Variants in PUDP observed in about 807,000 individuals in gnomAD.
PUDP encodes pseudouridine-5'-phosphatase.
PUDP carries 8 observed loss-of-function variants against 9.4 expected under a neutral mutation model. That is an observed-to-expected ratio of 0.85 (90% CI 0.50 to 1.53). The LOEUF is 1.53. Among genes scored for constraint, PUDP ranks in the 40% most tolerant of loss-of-function variants. The pLI, the probability that PUDP is intolerant of heterozygous loss-of-function variation, is 0.00. For missense variants in PUDP, 188 were observed against 189.7 expected (o/e 0.99, Z 0.05); for synonymous variants, 99 against 80.7 (o/e 1.23, Z -1.22).
At chrX:7,057,715 C>T in intron 3 of PUDP, 1 of 1,153,457 alleles carries the variant, frequency 8.7e-7, no homozygotes, top group Non-Finnish European at 1.1e-6. Flanking sequence ...GGTCAGGTGT[C>T]ATCAGAGCAG....
intron 1 of PUDP, among the ~76,000 whole-genome samples, chrX:6,987,236 G>A (rs1287911321): frequency 8.9e-6 from 1 of 112,125 alleles, no homozygotes; most frequent in Non-Finnish European, 1.9e-5. Flanking sequence ...CCTTAGAGGT[G>A]GCCTGAGGAA....
chrX:7,129,542 C>T (rs1343633910), intron 1 of PUDP, among the ~76,000 whole-genome samples: 1 of 112,066 alleles, frequency 8.9e-6, no homozygotes, highest in Non-Finnish European at 1.9e-5. Flanking sequence ...AACAGTGTGA[C>T]GTACAGCTCT....
intron 3 of PUDP, among the ~76,000 whole-genome samples, chrX:6,879,435 T>TAC (rs753425131): frequency 0.18 from 18,629 of 101,818 alleles, 1,467 homozygotes; most frequent in East Asian, 0.44. Flanking sequence ...ACAGCACAAT[T>TAC]ACACACACAC....
At chrX:6,921,342 C>T (rs1928020480) in intron 3 of PUDP, among the ~76,000 whole-genome samples, 1 of 110,180 alleles carries the variant, frequency 9.1e-6, no homozygotes, top group Admixed American at 9.7e-5. Flanking sequence ...CACGATCATG[C>T]CACTGCACTC....
At chrX:6,945,798 A>G (rs944925779) in intron 3 of PUDP, among the ~76,000 whole-genome samples, 2 of 111,451 alleles carry the variant, frequency 1.8e-5, no homozygotes, top group Admixed American at 9.6e-5. Context: ...ATTCAGCCTG[A>G]AGAGATAAAC....
At chrX:6,778,221 T>C (rs764275856) in intron 3 of PUDP, among the ~76,000 whole-genome samples, 1 of 111,593 alleles carries the variant, frequency 9.0e-6, no homozygotes, top group South Asian at 3.8e-4. Flanking sequence ...AAATATTCTC[T>C]CTCCAAAGTT....
At chrX:6,801,851 G>A (rs1925939716) in intron 3 of PUDP, among the ~76,000 whole-genome samples, 1 of 111,855 alleles carries the variant, frequency 8.9e-6, no homozygotes, top group Non-Finnish European at 1.9e-5. Context: ...TGGTAAATTC[G>A]GCTTCAAAGA....
At chrX:6,933,547 C>G (rs150179596) in intron 3 of PUDP, among the ~76,000 whole-genome samples, 22,050 of 109,214 alleles carry the variant, frequency 0.2, 1,941 homozygotes, top group Admixed American at 0.34. Context: ...AAACAGAACA[C>G]AAAAACTGGA....
intron 3 of PUDP, among the ~76,000 whole-genome samples, chrX:6,727,743 G>A (rs1924756816): frequency 8.9e-6 from 1 of 111,794 alleles, no homozygotes; most frequent in Non-Finnish European, 1.9e-5. Context: ...GAATTATGGG[G>A]GGCTACCTGC....
At chrX:7,057,756 G>A (rs1231892345) in intron 3 of PUDP, 38 of 1,151,776 alleles carry the variant, frequency 3.3e-5, no homozygotes, top group Non-Finnish European at 4.0e-5. Flanking sequence ...AAGGAGGAGC[G>A]CTGAGAAGGG....
chrX:6,881,739 G>A (rs1428074095), intron 3 of PUDP, among the ~76,000 whole-genome samples: 2 of 110,481 alleles, frequency 1.8e-5, no homozygotes, highest in Non-Finnish European at 3.8e-5. Flanking sequence ...ATGGATGAGT[G>A]ACTTAAAGCC....
intron 2 of PUDP, among the ~76,000 whole-genome samples, chrX:7,080,246 T>C (rs1187187210): frequency 2.7e-5 from 3 of 112,432 alleles, no homozygotes; most frequent in Admixed American, 1.9e-4. Context: ...AGATAATTCT[T>C]TGAAAGATAT....
Position 6,938,944 on chromosome X carries a change from T to A in PUDP, c.*247+38189A>T, listed in dbSNP as rs181668490. On this transcript the variant is annotated intron_variant and NMD_transcript_variant, in intron 3 of 3. Coordinates refer to the PUDP transcript ENST00000655425. ...ATTGGTAATAACTTAAAAAAGCAGA[T>A]AATGGATAAGTATTCTGGTGGACTA... is the stretch of plus-strand genomic sequence containing the variant. Among the ~76,000 whole-genome samples, 38 of 110,883 alleles carry A rather than the reference T, an allele frequency of 3.4e-4. No homozygotes were observed. In the East Asian group the frequency reaches 9.9e-3, roughly 29 times the overall value.
At chrX:7,116,811 G>A (rs1411977610) in intron 1 of PUDP, among the ~76,000 whole-genome samples, 2 of 111,597 alleles carry the variant, frequency 1.8e-5, no homozygotes, top group Non-Finnish European at 3.8e-5. Flanking sequence ...GATCATGGGG[G>A]CAGATCCTTC....
chrX:6,934,287 G>T (rs1443676576), intron 3 of PUDP, among the ~76,000 whole-genome samples: 5 of 101,748 alleles, frequency 4.9e-5, no homozygotes, highest in African/African-American at 1.4e-4. Context: ...GGATCTCTCA[G>T]CAGAAACCCT....
chrX:6,712,422 T>C (rs944861353), intron 1 of PUDP, among the ~76,000 whole-genome samples: 2 of 112,009 alleles, frequency 1.8e-5, no homozygotes, highest in African/African-American at 6.5e-5. Context: ...AATGCTGGGA[T>C]TGCAGGCATG....
Position 7,105,707 on chromosome X carries a change from A to C in PUDP, c.193T>G (p.Leu65Val). 1 of 1,209,524 alleles carries C rather than the reference A, an allele frequency of 8.3e-7. No individual in the cohort carries two copies. Among genetic ancestry groups the C allele is most frequent in the African/African-American group, 1.7e-5 (1 of 57,723 alleles). The change falls in exon 2 of 4, where the codon TTG becomes GTG. Residue 65 changes from leucine to valine, a missense_variant. Physicochemically the swap from Leu to Val is conservative, Grantham distance 32. Coordinates refer to ENST00000381077, the MANE Select transcript of PUDP (RefSeq NM_012080.5). ...TCCTCTTTGGACATCGGGAGCTGCA[A>C]GACGTCTATTATAATCTGTGCCGCC... ...LEAAQIIIDV[L>V]QLPMSKEELV...
chrX:6,921,109 G>A (rs1682776332), intron 3 of PUDP, among the ~76,000 whole-genome samples: 1 of 111,226 alleles, frequency 9.0e-6, no homozygotes, highest in Non-Finnish European at 1.9e-5. Context: ...TCATGGCCAG[G>A]CACTGTGGCT....
chrX:6,833,164 T>C (rs1304274054), intron 3 of PUDP, among the ~76,000 whole-genome samples: 1 of 112,545 alleles, frequency 8.9e-6, no homozygotes, highest in Non-Finnish European at 1.9e-5. Context: ...CAATTTTATT[T>C]AAAAAGTTTC....
Sources: gnomAD v4.1 joint callset for allele counts (sites outside exome capture counted in the v4.1 genomes callset) on GRCh38, gnomAD v4.1.1 for gene constraint, MANE v1.5 for transcripts, NCBI Gene and HGNC (gene_info 2026-07-23, HGNC 2026-07-21) for gene names.